Variants in FMN1 observed in about 807,000 individuals in gnomAD.
The protein encoded by FMN1 is formin 1.
In FMN1, 110 loss-of-function variants were observed where a neutral mutation model predicts 132.4. That is an observed-to-expected ratio of 0.83 (90% CI 0.71 to 0.97). FMN1 has a LOEUF of 0.97. FMN1 is among the 50% of genes least tolerant of loss of function. The pLI is 0.00. For missense variants in FMN1, 1,792 were observed against 1,705.3 expected (o/e 1.05, Z -0.90); for synonymous variants, 722 against 651.7 (o/e 1.11, Z -1.64).
chr15:33,085,725 T>C (rs763834367), intron 5 of FMN1, among the ~76,000 whole-genome samples: 5 of 151,938 alleles, frequency 3.3e-5, no homozygotes, highest in Non-Finnish European at 2.9e-5. Flanking sequence ...CATAAGGAAA[T>C]AGTCCTAAAT....
chr15:32,857,376 C>A (rs1424850585), intron 16 of FMN1, among the ~76,000 whole-genome samples: 2 of 152,162 alleles, frequency 1.3e-5, no homozygotes, highest in African/African-American at 4.8e-5. Flanking sequence ...CCAGAAAAGT[C>A]TCTGACCTGG....
chr15:32,920,362 T>C (rs1270892256), intron 10 of FMN1, among the ~76,000 whole-genome samples: 1 of 152,192 alleles, frequency 6.6e-6, no homozygotes, highest in East Asian at 1.9e-4. Context: ...CAAATGCAAG[T>C]GCTTTTGGTA....
At chr15:32,974,398 T>C (rs1389434811) in intron 7 of FMN1, among the ~76,000 whole-genome samples, 5 of 152,346 alleles carry the variant, frequency 3.3e-5, no homozygotes, top group Middle Eastern at 3.4e-3. Context: ...TCACCTGCAA[T>C]AGTCTGTTAT....
intron 7 of FMN1, among the ~76,000 whole-genome samples, chr15:33,003,199 A>G (rs2034213335): frequency 6.6e-6 from 1 of 152,234 alleles, no homozygotes; most frequent in Non-Finnish European, 1.5e-5. Context: ...AGTTCTGGCC[A>G]GGGCAATTAG....
At position 32,996,292 on chromosome 15, in the gene FMN1, G is replaced by T. The variant is rs1381683964; in HGVS notation, c.2223+11722C>A. Among the ~76,000 whole-genome samples, 3 of 152,194 alleles carry T rather than the reference G, an allele frequency of 2.0e-5. No individual in the cohort carries two copies. The East Asian group carries it at 5.8e-4, about 29-fold the overall frequency. On this transcript the variant is annotated intron_variant, in intron 7 of 20. Coordinates refer to ENST00000616417, the MANE Select transcript of FMN1 (RefSeq NM_001277313.2). ...ACAGCACAAACAGGATTCAAACTCA[G>T]GGAGGATTACACACCTGTTTTTCTA...
In FMN1 at chr15:32,829,253, AAC is replaced by A. The variant is rs373189710; in HGVS notation, c.3929-24923_3929-24922del. Among the ~76,000 whole-genome samples, 788 of 152,346 alleles carry A rather than the reference AAC, an allele frequency of 5.2e-3. 9 individuals carry two copies. The highest frequency in any genetic ancestry group is 0.018 in the African/African-American group (754 of 41,576). ...TGCAATATATAATCTAAGATGGCAC[AAC>A]AGTTTATGAGACCAAGCTATTATTC... On this transcript the variant is annotated intron_variant, in intron 17 of 20. Coordinates refer to ENST00000616417, the MANE Select transcript of FMN1 (RefSeq NM_001277313.2).
chr15:32,777,471 A>AATATG (rs67598625), intron 19 of FMN1, among the ~76,000 whole-genome samples: 33,195 of 136,414 alleles, frequency 0.24, 6,683 homozygotes, highest in Middle Eastern at 0.35. Context: ...TATTACGTAT[A>AATATG]TTTATATATT....
At chr15:32,907,891 G>C (rs1020013071) in intron 12 of FMN1, among the ~76,000 whole-genome samples, 1 of 152,102 alleles carries the variant, frequency 6.6e-6, no homozygotes, top group Non-Finnish European at 1.5e-5. Context: ...GACCCCAAGA[G>C]TCACTCAGTT....
At chr15:33,043,972 C>T (rs1270529927) in intron 6 of FMN1, among the ~76,000 whole-genome samples, 1 of 152,248 alleles carries the variant, frequency 6.6e-6, no homozygotes, top group Non-Finnish European at 1.5e-5. Context: ...TCCCCCTTTC[C>T]CTACAGGCTC....
chr15:32,778,254 G>A (rs1449151669), intron 19 of FMN1, among the ~76,000 whole-genome samples: 2 of 138,392 alleles, frequency 1.4e-5, no homozygotes, highest in Non-Finnish European at 3.1e-5. Flanking sequence ...ATACATATAT[G>A]TATAATATAG....
intron 6 of FMN1, among the ~76,000 whole-genome samples, chr15:33,055,732 T>C (rs11854308): frequency 0.31 from 47,733 of 151,576 alleles, 7,593 homozygotes; most frequent in Non-Finnish European, 0.33. Flanking sequence ...CTTAGAAAAA[T>C]AAGAAGGCTC....
At chr15:32,890,221 T>C (rs2059993989) in intron 15 of FMN1, among the ~76,000 whole-genome samples, 2 of 152,234 alleles carry the variant, frequency 1.3e-5, no homozygotes, top group African/African-American at 4.8e-5. Context: ...TGAACTGTGC[T>C]GCTATAAACA....
chr15:33,050,275 A>C (rs2036908475), intron 6 of FMN1, among the ~76,000 whole-genome samples: 1 of 152,236 alleles, frequency 6.6e-6, no homozygotes, highest in Non-Finnish European at 1.5e-5. Flanking sequence ...TTAGGTTGGA[A>C]AATGCTTCCT....
chr15:32,885,293 G>A (rs996405291), intron 16 of FMN1, among the ~76,000 whole-genome samples: 11 of 152,272 alleles, frequency 7.2e-5, no homozygotes, highest in East Asian at 3.9e-4. Context: ...GTGTGCACAC[G>A]TGTGCATGCT....
chr15:33,151,112 G>T, intron 4 of FMN1: 1 of 1,382,562 alleles, frequency 7.2e-7, no homozygotes, highest in South Asian at 1.8e-5. Context: ...AGAGAAAAGG[G>T]AACTAGACAG....
chr15:32,886,938 A>G lies in FMN1; in HGVS notation c.3835+1234T>C, dbSNP rs533698816. ...CAGAAAATAACGACCGCAAGTTCAC[A>G]TATCGCATTTCTAAAGGAAGCATCC... is the stretch of plus-strand genomic sequence containing the variant. On this transcript the variant is annotated intron_variant, in intron 16 of 20. Coordinates refer to ENST00000616417, the MANE Select transcript of FMN1 (RefSeq NM_001277313.2). Among the ~76,000 whole-genome samples the G allele has an allele frequency of 3.1e-4, 47 of 152,348 alleles. 1 individual carries two copies. Among genetic ancestry groups the G allele is most frequent in the Admixed American group, 2.9e-3 (45 of 15,304 alleles).
chr15:32,874,734 T>C (rs2059598485), intron 16 of FMN1, among the ~76,000 whole-genome samples: 1 of 152,246 alleles, frequency 6.6e-6, no homozygotes, highest in Non-Finnish European at 1.5e-5. Flanking sequence ...ACTTGATCTT[T>C]CAGTGAGTTT....
intron 8 of FMN1, among the ~76,000 whole-genome samples, chr15:32,965,648 G>C (rs554456744): frequency 2.2e-4 from 33 of 152,250 alleles, no homozygotes; most frequent in Admixed American, 1.8e-3. Context: ...TCAGGTCTGC[G>C]TGTTCACACT....
At chr15:32,909,473 T>C (rs1214957592) in intron 11 of FMN1, among the ~76,000 whole-genome samples, 1 of 152,210 alleles carries the variant, frequency 6.6e-6, no homozygotes, top group Non-Finnish European at 1.5e-5. Flanking sequence ...CTGATACATA[T>C]AAAGATGTGA....
Sources: gnomAD v4.1 joint callset for allele counts (sites outside exome capture counted in the v4.1 genomes callset) on GRCh38, gnomAD v4.1.1 for gene constraint, MANE v1.5 for transcripts, NCBI Gene and HGNC (gene_info 2026-07-23, HGNC 2026-07-21) for gene names.